The following SLC1A3 variants were observed in gnomAD, a reference collection of about 807,000 sequenced individuals.
SLC1A3 encodes the protein solute carrier family 1 member 3, also known as excitatory amino acid transporter 1.
In SLC1A3, 21 loss-of-function variants were observed where a neutral mutation model predicts 48.1. That is an observed-to-expected ratio of 0.44 (90% CI 0.31 to 0.63). The LOEUF (loss-of-function observed/expected upper bound fraction) is 0.63. SLC1A3 is among the 20% of genes least tolerant of loss of function. The pLI is 0.08. For missense variants in SLC1A3, 546 were observed against 689.0 expected (o/e 0.79, Z 2.32); for synonymous variants, 239 against 251.4 (o/e 0.95, Z 0.47).
chr5:36,616,897 G>T (rs920229267), intron 2 of SLC1A3, among the ~76,000 whole-genome samples: 2 of 152,288 alleles, frequency 1.3e-5, no homozygotes, highest in Admixed American at 6.5e-5. Context: ...CTTTTATTTA[G>T]TTATTTATTT....
chr5:36,680,791 C>T (rs889162943), intron 8 of SLC1A3, among the ~76,000 whole-genome samples: 1 of 152,034 alleles, frequency 6.6e-6, no homozygotes, highest in East Asian at 1.9e-4. Context: ...GTGGCACGGG[C>T]CTGTGGTCCC....
chr5:36,641,120 C>G (rs574338086), intron 3 of SLC1A3, among the ~76,000 whole-genome samples: 11 of 152,222 alleles, frequency 7.2e-5, no homozygotes, highest in African/African-American at 2.6e-4. Flanking sequence ...CAAAACCCTC[C>G]TGCAGACAGA....
At chr5:36,618,014 G>C (rs1448544135) in intron 2 of SLC1A3, among the ~76,000 whole-genome samples, 1 of 152,126 alleles carries the variant, frequency 6.6e-6, no homozygotes, top group African/African-American at 2.4e-5. Context: ...AGTTAGCCTC[G>C]GTACTGTACT....
chr5:36,688,021 A>G lies in SLC1A3; in HGVS notation c.*1752A>G, dbSNP rs1479399120. 2.0e-5 allele frequency: 3 copies of G among 152,218 alleles called. No homozygotes were observed. The highest frequency in any genetic ancestry group is 4.4e-5 in the Non-Finnish European group (3 of 68,038). The allele number at this position is 152,218 out of a possible 1,614,324, so 9.4% of individuals were successfully genotyped here. A position where few individuals can be genotyped will look rare whatever the true frequency, so the allele number is the denominator to read the frequency against. On this transcript the variant is annotated 3_prime_UTR_variant, in exon 10 of 10. Transcript: ENST00000265113. ...ATAGACCCCAAGCATTCTGTGCATAAAAGTTAACATTAGGCTGTGGTGCAG... is the reference window on the plus strand; with the variant it reads ...ATAGACCCCAAGCATTCTGTGCATAGAAGTTAACATTAGGCTGTGGTGCAG...
chr5:36,685,474 C>T (rs1742606449), intron 9 of SLC1A3, among the ~76,000 whole-genome samples: 1 of 152,158 alleles, frequency 6.6e-6, no homozygotes. Context: ...ACGGGTTTCA[C>T]CATGTTGGCC....
chr5:36,638,113 A>T (rs1246082449), intron 3 of SLC1A3, among the ~76,000 whole-genome samples: 2 of 152,122 alleles, frequency 1.3e-5, no homozygotes, highest in African/African-American at 4.8e-5. Context: ...TTCCCCTGCT[A>T]ATACAGGGTC....
At chr5:36,620,849 C>A (rs1739634376) in intron 2 of SLC1A3, among the ~76,000 whole-genome samples, 1 of 150,836 alleles carries the variant, frequency 6.6e-6, no homozygotes, top group Non-Finnish European at 1.5e-5. Flanking sequence ...ACAAATAAAA[C>A]CAGCTAAGGG....
At chr5:36,647,066 G>A (rs1740869481) in intron 3 of SLC1A3, among the ~76,000 whole-genome samples, 1 of 152,184 alleles carries the variant, frequency 6.6e-6, no homozygotes, top group African/African-American at 2.4e-5. Context: ...CAAAGCCTTG[G>A]TGTCACTAGC....
intron 5 of SLC1A3, among the ~76,000 whole-genome samples, chr5:36,674,333 T>C (rs1180824221): frequency 6.6e-6 from 1 of 152,166 alleles, no homozygotes; most frequent in Non-Finnish European, 1.5e-5. Context: ...TTGAGTCTGC[T>C]ATTGTTAAGA....
chr5:36,632,146 CAACTACAG>C lies in SLC1A3; in HGVS notation c.319+2562_319+2569del, dbSNP rs563339236. On this transcript the variant is annotated intron_variant, in intron 3 of 9. Transcript: ENST00000265113. ...GTATGATGATAAACGGAGAGGGACCCAACTACAGAATAATATGGCAAAAGGCAGGCAAA... is the reference window on the plus strand; with the variant it reads ...GTATGATGATAAACGGAGAGGGACCCAATAATATGGCAAAAGGCAGGCAAA... Among the ~76,000 whole-genome samples, 406 of 152,296 alleles carry C rather than the reference CAACTACAG, an allele frequency of 2.7e-3. 6 individuals carry two copies. The highest frequency in any genetic ancestry group is 9.5e-3 in the African/African-American group (395 of 41,556).
rs528101282 is a variant in SLC1A3, at chr5:36,651,950, C to G, written c.320-19079C>G. 1.1e-4 allele frequency among the ~76,000 whole-genome samples: 17 copies of G among 152,318 alleles called. 1 individual carries two copies. The South Asian group carries it at 3.5e-3, about 32-fold the overall frequency. On this transcript the variant is annotated intron_variant, in intron 3 of 9. Transcript: ENST00000265113. ...CCAAGGTCCTGAAAGTATTACACTG[C>G]TTCCCTGAGCAGTGTCAGACCAGAA... is the stretch of plus-strand genomic sequence containing the variant.
chr5:36,620,621 A>G (rs553429313), intron 2 of SLC1A3, among the ~76,000 whole-genome samples: 19 of 152,234 alleles, frequency 1.2e-4, no homozygotes, highest in African/African-American at 3.4e-4. Flanking sequence ...AAAATAAGAC[A>G]TGTTTGTTCA....
chr5:36,612,161 T>G (rs1739230329), intron 2 of SLC1A3, among the ~76,000 whole-genome samples: 1 of 151,930 alleles, frequency 6.6e-6, no homozygotes, highest in African/African-American at 2.4e-5. Context: ...ACATTTGAGT[T>G]CTCCTTTCTC....
At chr5:36,651,639 C>A (rs1355043811) in intron 3 of SLC1A3, among the ~76,000 whole-genome samples, 1 of 149,154 alleles carries the variant, frequency 6.7e-6, no homozygotes. Flanking sequence ...CAGGTCTTAC[C>A]TTGCATGTCA....
chr5:36,662,586 C>T (rs1741559610), intron 3 of SLC1A3, among the ~76,000 whole-genome samples: 1 of 152,166 alleles, frequency 6.6e-6, no homozygotes, highest in South Asian at 2.1e-4. Context: ...GCATATTGTG[C>T]GGCACATTCC....
intron 3 of SLC1A3, chr5:36,668,586 C>T (rs1457265399): frequency 6.6e-6 from 1 of 152,178 alleles, no homozygotes; most frequent in Non-Finnish European, 1.5e-5. Flanking sequence ...GAAAGAATAG[C>T]AGCTGTTACT....
At chr5:36,602,446 A>G (rs1738819247), upstream of SLC1A3, among the ~76,000 whole-genome samples, 1 of 152,344 alleles carries the variant, frequency 6.6e-6, no homozygotes, top group African/African-American at 2.4e-5. Flanking sequence ...GAAGGCTTCA[A>G]TTCCAATCAA....
Position 36,671,041 on chromosome 5 carries a change from T to C in SLC1A3, c.332T>C (p.Leu111Pro). Reference sequence around the variant, plus strand: ...TTGCCTCCACCAGGAATGGCGGCGCTAGATAGTAAGGCATCAGGGAAGATG... The same window carrying C: ...TTGCCTCCACCAGGAATGGCGGCGCCAGATAGTAAGGCATCAGGGAAGATG... ...ISSLVTGMAA[L>P]DSKASGKMGM... The change falls in exon 4 of 10, where the codon CTA becomes CCA. Residue 111 changes from leucine (L) to proline (P), a missense_variant. This residue lies in a region of SLC1A3 where 348 missense variants were observed against 392.0 expected (regional missense o/e 0.89). Coordinates refer to ENST00000265113, the MANE Select transcript of SLC1A3 (RefSeq NM_004172.5). The C allele has an allele frequency of 6.2e-7, 1 of 1,613,966 alleles. No homozygotes were observed. Among genetic ancestry groups the C allele is most frequent in the Non-Finnish European group, 8.5e-7 (1 of 1,179,864 alleles).
intron 3 of SLC1A3, among the ~76,000 whole-genome samples, chr5:36,660,734 T>C (rs1436301164): frequency 6.6e-6 from 1 of 152,230 alleles, no homozygotes; most frequent in Non-Finnish European, 1.5e-5. Flanking sequence ...GGTGAGACTA[T>C]TCTTTTATAG....
Sources: gnomAD v4.1 joint callset for allele counts (sites outside exome capture counted in the v4.1 genomes callset) on GRCh38, gnomAD v4.1.1 for gene constraint, gnomAD v4.1.1 regional missense constraint, MANE v1.5 for transcripts, NCBI Gene and HGNC (gene_info 2026-07-23, HGNC 2026-07-21) for gene names.